Variants in AOX1 observed in about 807,000 individuals in gnomAD.
AOX1 encodes aldehyde oxidase.
AOX1 carries 153 observed loss-of-function variants against 169.5 expected under a neutral mutation model. That is an observed-to-expected ratio of 0.90 (90% confidence interval 0.79 to 1.03). The LOEUF (loss-of-function observed/expected upper bound fraction) is 1.03. Among genes scored for constraint, AOX1 ranks in the 50% least tolerant of loss-of-function variants. The pLI is 0.00. For missense variants in AOX1, 1,656 were observed against 1,663.9 expected (o/e 1.00, Z 0.08); for synonymous variants, 562 against 581.9 (o/e 0.97, Z 0.49).
chr2:200,623,761 G>A (rs1364109457), intron 18 of AOX1, 100 bp from the exon 19 acceptor site: 7 of 1,564,082 alleles, frequency 4.5e-6, no homozygotes, highest in Non-Finnish European at 8.8e-7. Context: ...TCTAGCCCTA[G>A]CCCTACTGTA....
intron 16 of AOX1, among the ~76,000 whole-genome samples, chr2:200,620,198 A>AGTTTTTTTTTTTTTTTT (rs370920216): frequency 1.7e-5 from 2 of 120,912 alleles, no homozygotes. Context: ...ATTAATAGTG[A>AGTTTTTTTTTTTTTTTT]CTTTTTTTTT....
intron 10 of AOX1, among the ~76,000 whole-genome samples, chr2:200,608,317 A>G (rs1309773111): frequency 6.6e-6 from 1 of 152,220 alleles, no homozygotes; most frequent in Non-Finnish European, 1.5e-5. Flanking sequence ...TCAATGAAGG[A>G]TACGGTGCTA....
intron 18 of AOX1, 32 bp from the exon 19 acceptor site, chr2:200,623,829 T>A (rs767508296): frequency 6.2e-7 from 1 of 1,612,648 alleles, no homozygotes; most frequent in Non-Finnish European, 8.5e-7. Flanking sequence ...ATGCCTGCCC[T>A]CCTTGACAAC....
In AOX1 at chr2:200,669,826, G is replaced by A. The variant is rs889891242; in HGVS notation, c.3966+84G>A. On this transcript the variant is annotated intron_variant, in intron 34 of 34. Transcript: ENST00000374700. ...GTTCTTGTGGTAAGTTTTCGTGAAC[G>A]CACTGCTGTGGCTTTTCTTGCCAGA... 7 of 1,426,238 alleles carry A rather than the reference G, an allele frequency of 4.9e-6. No homozygotes were observed. In the East Asian group the frequency reaches 6.9e-5, roughly 14 times the overall value. The allele number at this position is 1,426,238 out of a possible 1,614,324, so 88.3% of individuals were successfully genotyped here.
downstream of AOX1, among the ~76,000 whole-genome samples, chr2:200,674,980 A>C (rs2036076722): frequency 6.6e-6 from 1 of 152,230 alleles, no homozygotes; most frequent in African/African-American, 2.4e-5. Context: ...ACGCCGGGGC[A>C]ATTTACAGCA....
Position 200,635,057 on chromosome 2 carries a change from A to G in AOX1, c.2346+142A>G, listed in dbSNP as rs555432334. ...AACCCAGGAGCTCAAGGCTTCAGTG[A>G]TCTATGATCACACCACTGCACTCCA... On this transcript the variant is annotated intron_variant, in intron 21 of 34. Transcript: ENST00000374700. The G allele has an allele frequency of 7.4e-6, 7 of 943,202 alleles. No homozygotes were observed. In the Admixed American group the frequency reaches 1.0e-4, roughly 14 times the overall value. The allele number at this position is 943,202 out of a possible 1,614,324, so 58.4% of individuals were successfully genotyped here.
intron 26 of AOX1, among the ~76,000 whole-genome samples, chr2:200,655,234 A>T (rs867144062): frequency 2.1e-4 from 32 of 152,272 alleles, no homozygotes; most frequent in Middle Eastern, 3.4e-3. Flanking sequence ...TTAGGACGTG[A>T]TCCTTCCTTT....
chr2:200,634,229 G>A (rs1040032707), intron 20 of AOX1, among the ~76,000 whole-genome samples: 4 of 126,504 alleles, frequency 3.2e-5, no homozygotes, highest in African/African-American at 1.2e-4. Flanking sequence ...TGGCTTCTCC[G>A]GAACTAAGTC....
intron 20 of AOX1, among the ~76,000 whole-genome samples, chr2:200,631,662 C>A (rs940367501): frequency 6.6e-6 from 1 of 152,162 alleles, no homozygotes; most frequent in Non-Finnish European, 1.5e-5. Flanking sequence ...CGGGTGGGGG[C>A]TGTCAGGGTA....
chr2:200,657,179 TA>T (rs1223484204), intron 27 of AOX1, among the ~76,000 whole-genome samples: 19 of 66,550 alleles, frequency 2.9e-4, no homozygotes, highest in African/African-American at 7.5e-4. Flanking sequence ...TATATATATA[TA>T]TATATATATA....
downstream of AOX1, among the ~76,000 whole-genome samples, chr2:200,677,865 G>A (rs187736325): frequency 5.3e-5 from 8 of 152,236 alleles, no homozygotes; most frequent in Admixed American, 2.0e-4. Flanking sequence ...GAGCATACCC[G>A]CCCTGCATGT....
intron 26 of AOX1, 93 bp downstream of exon 26, chr2:200,651,294 C>A: frequency 2.7e-6 from 3 of 1,096,718 alleles, no homozygotes; most frequent in Non-Finnish European, 4.1e-6. Context: ...GTCATATTAG[C>A]CATATGGTTG....
At chr2:200,680,809 AT>A (rs145922269), downstream of AOX1, among the ~76,000 whole-genome samples, 12,184 of 152,086 alleles carry the variant, frequency 0.08, 538 homozygotes, top group African/African-American at 0.1. Context: ...GCCTCCCAAA[AT>A]GCTGGGATTA....
intron 30 of AOX1, among the ~76,000 whole-genome samples, chr2:200,662,610 C>T (rs750115142): frequency 6.6e-6 from 1 of 152,174 alleles, no homozygotes; most frequent in Non-Finnish European, 1.5e-5. Flanking sequence ...AGAAGCTAAC[C>T]TCCAGGAGTA....
intron 20 of AOX1, among the ~76,000 whole-genome samples, chr2:200,629,142 G>A (rs2035064234): frequency 6.6e-6 from 1 of 152,140 alleles, no homozygotes; most frequent in African/African-American, 2.4e-5. Context: ...AAGCGTGTCA[G>A]GGGCTGACTG....
chr2:200,651,148 G>C lies in AOX1; in HGVS notation c.3022G>C (p.Ala1008Pro). 1 of 1,614,168 alleles carries C rather than the reference G, an allele frequency of 6.2e-7. No homozygotes were observed. The highest frequency in any genetic ancestry group is 8.5e-7 in the Non-Finnish European group (1 of 1,180,020). Residue 1008 changes from alanine (A) to proline (P), a missense_variant, in exon 26 of 35, where the codon GCC becomes CCC. By Grantham distance (27) the Ala-to-Pro change is conservative. Transcript: ENST00000374700. ...GAATTATTGGAAGAAGAAAGGACTGGCCATGGTCCCCCTGAAGTTTCCTGT... is the reference window on the plus strand; with the variant it reads ...GAATTATTGGAAGAAGAAAGGACTGCCCATGGTCCCCCTGAAGTTTCCTGT... ...AENYWKKKGLAMVPLKFPVGL... is the reference protein window; with the variant it reads ...AENYWKKKGLPMVPLKFPVGL...
At chr2:200,601,537 G>A (rs554675625) in intron 5 of AOX1, among the ~76,000 whole-genome samples, 1 of 152,306 alleles carries the variant, frequency 6.6e-6, no homozygotes, top group Admixed American at 6.5e-5. Context: ...TGACCGTGGT[G>A]ATGGTTTCAT....
chr2:200,659,636 C>T (rs1285995948), intron 28 of AOX1, among the ~76,000 whole-genome samples: 2 of 152,248 alleles, frequency 1.3e-5, no homozygotes, highest in African/African-American at 4.8e-5. Context: ...ACTTCATTGC[C>T]TTTTGCTCTA....
At chr2:200,642,915 C>A in intron 25 of AOX1, 114 bp downstream of exon 25, 1 of 1,023,136 alleles carries the variant, frequency 9.8e-7, no homozygotes, top group Non-Finnish European at 1.4e-6. Flanking sequence ...TGATTTGTGC[C>A]AAGTCCCCCA....
Sources: gnomAD v4.1 joint callset for allele counts (sites outside exome capture counted in the v4.1 genomes callset) on GRCh38, gnomAD v4.1.1 for gene constraint, MANE v1.5 for transcripts, NCBI Gene and HGNC (gene_info 2026-07-23, HGNC 2026-07-21) for gene names.